Variants in DPP10 observed in about 807,000 individuals in gnomAD.
DPP10 encodes the protein dipeptidyl peptidase like 10, also known as inactive dipeptidyl peptidase 10.
DPP10 carries 33 observed loss-of-function variants against 120.9 expected under a neutral mutation model. That is an observed-to-expected ratio of 0.27 (90% CI 0.21 to 0.37). The LOEUF is 0.37. DPP10 is among the 10% of genes least tolerant of loss of function. The probability of loss-of-function intolerance (pLI) is 1.00; values close to 1 mark genes in which losing one functional copy is unlikely to be tolerated. For synonymous variants in DPP10, 337 were observed against 326.1 expected, an observed-to-expected ratio of 1.03 and a Z score of -0.36; for missense variants, 816 against 942.8, an observed-to-expected ratio of 0.87 and a Z score of 1.76.
intron 1 of DPP10, among the ~76,000 whole-genome samples, chr2:114,907,181 A>G (rs1694036766): frequency 6.6e-6 from 1 of 152,000 alleles, no homozygotes; most frequent in African/African-American, 2.4e-5. Context: ...AATTTTAGCA[A>G]TGTAAGTCTT....
At chr2:115,377,651 G>T (rs1422477366) in intron 3 of DPP10, among the ~76,000 whole-genome samples, 3 of 152,130 alleles carry the variant, frequency 2.0e-5, no homozygotes, top group Non-Finnish European at 2.9e-5. Context: ...GAATGGTAAT[G>T]CCTAGGTTTT....
At position 114,940,124 on chromosome 2, in the gene DPP10, C is replaced by T. The variant is rs570870509; in HGVS notation, c.61-369115C>T. ...CTAGCAGTTGGGTAAACATTCATAACGTGTGTGTAACAATTATTTCTGAAC... is the reference window on the plus strand; with the variant it reads ...CTAGCAGTTGGGTAAACATTCATAATGTGTGTGTAACAATTATTTCTGAAC... On this transcript the variant is annotated intron_variant, in intron 1 of 25. Transcript: ENST00000410059. Among the ~76,000 whole-genome samples the T allele has an allele frequency of 5.9e-5, 9 of 152,232 alleles. No individual in the cohort carries two copies. In the East Asian group the frequency reaches 1.5e-3, roughly 26 times the overall value.
At chr2:115,382,168 C>G (rs949676964) in intron 3 of DPP10, among the ~76,000 whole-genome samples, 1 of 152,174 alleles carries the variant, frequency 6.6e-6, no homozygotes, top group Non-Finnish European at 1.5e-5. Flanking sequence ...TCACTGCCAC[C>G]TTGCAGTTTG....
chr2:114,927,731 A>C (rs1695743230), intron 1 of DPP10, among the ~76,000 whole-genome samples: 1 of 152,110 alleles, frequency 6.6e-6, no homozygotes, highest in Non-Finnish European at 1.5e-5. Flanking sequence ...GGAGTATCTG[A>C]AGTTGGGTAA....
At chr2:115,384,445 G>T (rs2066704353) in intron 3 of DPP10, among the ~76,000 whole-genome samples, 1 of 123,336 alleles carries the variant, frequency 8.1e-6, no homozygotes, top group Non-Finnish European at 1.7e-5. Context: ...AAGAAGAGGA[G>T]GAAGAAGAAG....
intron 21 of DPP10, among the ~76,000 whole-genome samples, chr2:115,833,808 T>C (rs762151667): frequency 5.9e-5 from 9 of 152,186 alleles, no homozygotes; most frequent in Non-Finnish European, 1.2e-4. Context: ...TGTAGGTAAA[T>C]ATCCCTAAAT....
At chr2:115,411,390 G>T (rs944990446) in intron 3 of DPP10, among the ~76,000 whole-genome samples, 2 of 138,080 alleles carry the variant, frequency 1.4e-5, no homozygotes, top group African/African-American at 5.0e-5. Context: ...ATTGTTGAAT[G>T]ATGGCTGCTC....
intron 21 of DPP10, among the ~76,000 whole-genome samples, chr2:115,830,200 G>A (rs1225501310): frequency 1.3e-5 from 2 of 151,764 alleles, no homozygotes; most frequent in Middle Eastern, 3.4e-3. Context: ...TGCTAAAAAA[G>A]TACAAAAATT....
chr2:115,562,321 C>G (rs889325605), intron 5 of DPP10, among the ~76,000 whole-genome samples: 2 of 152,108 alleles, frequency 1.3e-5, no homozygotes, highest in Admixed American at 1.3e-4. Context: ...TCCACGTGGC[C>G]TTAAAACCAC....
At chr2:115,461,204 G>C (rs1483303259) in intron 3 of DPP10, among the ~76,000 whole-genome samples, 1 of 143,808 alleles carries the variant, frequency 7.0e-6, no homozygotes, top group Admixed American at 6.7e-5. Context: ...CTGATTTGAT[G>C]CTTTTTTTTT....
rs894343361 is a variant in DPP10 at position 115,680,492 on chromosome 2, A to G, written c.442-9195A>G. 4.6e-5 allele frequency among the ~76,000 whole-genome samples: 7 copies of G among 152,014 alleles called. 1 individual carries two copies. Among genetic ancestry groups the G allele is most frequent in the Middle Eastern group, 6.4e-3 (2 of 314 alleles). On this transcript the variant is annotated intron_variant, in intron 5 of 25. Transcript: ENST00000410059. ...AAAGAAAAATGACAAATTACAGAAC[A>G]AATTGCATTGAGCAACTTTCTGGTT...
intron 1 of DPP10, among the ~76,000 whole-genome samples, chr2:114,963,770 G>A (rs1340566861): frequency 6.6e-6 from 1 of 152,146 alleles, no homozygotes; most frequent in Non-Finnish European, 1.5e-5. Context: ...AGAGGGTCGT[G>A]TCGCAAGGGA....
At chr2:114,776,091 ATG>A (rs1479884802) in intron 1 of DPP10, among the ~76,000 whole-genome samples, 36 of 152,310 alleles carry the variant, frequency 2.4e-4, no homozygotes, top group African/African-American at 8.4e-4. Context: ...TGAAGATATG[ATG>A]GGAAAATACA....
rs541236613 is a variant in DPP10 at position 115,219,548 on chromosome 2, G to GA, written c.61-89688dup. On this transcript the variant is annotated intron_variant, in intron 1 of 25. Coordinates refer to ENST00000410059, the MANE Select transcript of DPP10 (RefSeq NM_020868.6). Reference sequence around the variant, plus strand: ...AGCTGTTCCATAAAGAATAATGACAGAAATTATAACAATAAAAGGTGCTGT... The same window carrying GA: ...AGCTGTTCCATAAAGAATAATGACAGAAAATTATAACAATAAAAGGTGCTGT... 3.3e-5 allele frequency among the ~76,000 whole-genome samples: 5 copies of GA among 152,202 alleles called. No individual in the cohort carries two copies. In the South Asian group the frequency reaches 8.3e-4, roughly 25 times the overall value.
chr2:114,762,724 T>G (rs150857144), intron 1 of DPP10, among the ~76,000 whole-genome samples: 1 of 152,308 alleles, frequency 6.6e-6, no homozygotes, highest in African/African-American at 2.4e-5. Context: ...AACAACATTC[T>G]GAGCAGAGCC....
chr2:115,687,264 A>C (rs2091042434), intron 5 of DPP10, among the ~76,000 whole-genome samples: 1 of 152,030 alleles, frequency 6.6e-6, no homozygotes, highest in African/African-American at 2.4e-5. Flanking sequence ...ACCTTGTTCA[A>C]GATTTTGCCC....
intron 1 of DPP10, among the ~76,000 whole-genome samples, chr2:114,994,743 C>G (rs768532546): frequency 9.9e-5 from 15 of 152,138 alleles, no homozygotes; most frequent in Non-Finnish European, 1.9e-4. Context: ...TCTTATCTCC[C>G]CTGGGAGCCT....
intron 1 of DPP10, among the ~76,000 whole-genome samples, chr2:114,887,661 C>G (rs1371935113): frequency 6.6e-6 from 1 of 152,150 alleles, no homozygotes; most frequent in Non-Finnish European, 1.5e-5. Flanking sequence ...GGGATCACAG[C>G]AGCAAAATCA....
intron 1 of DPP10, among the ~76,000 whole-genome samples, chr2:114,734,449 A>G (rs1333340100): frequency 2.0e-5 from 3 of 152,170 alleles, no homozygotes; most frequent in African/African-American, 7.2e-5. Context: ...GTTTAAATTT[A>G]CCTATAGCCT....
Sources: gnomAD v4.1 joint callset for allele counts (sites outside exome capture counted in the v4.1 genomes callset) on GRCh38, gnomAD v4.1.1 for gene constraint, MANE v1.5 for transcripts, NCBI Gene and HGNC (gene_info 2026-07-23, HGNC 2026-07-21) for gene names.